Variants in KPNA7 observed in about 807,000 individuals in gnomAD.
The protein encoded by KPNA7 is importin subunit alpha-8.
A neutral mutation model predicts 53.7 loss-of-function variants in KPNA7; 54 were observed. That is an observed-to-expected ratio of 1.01 (90% CI 0.81 to 1.26). The LOEUF (loss-of-function observed/expected upper bound fraction) is 1.26, where lower values mean the gene tolerates loss of function less well. KPNA7 is among the 50% of genes most tolerant of loss of function. The pLI, the probability that KPNA7 is intolerant of heterozygous loss-of-function variation, is 0.00. For synonymous variants in KPNA7, 276 were observed against 259.3 expected (o/e 1.06, Z -0.62); for missense variants, 640 against 644.5 (o/e 0.99, Z 0.07).
chr7:99,213,284 A>AC (rs1030771442), intron 1 of KPNA7, among the ~76,000 whole-genome samples: 5 of 149,444 alleles, frequency 3.3e-5, no homozygotes, highest in African/African-American at 7.4e-5. Context: ...ACACCACCAC[A>AC]CCCCCCAGCT....
chr7:99,184,771 C>A (rs1789488634), intron 8 of KPNA7, among the ~76,000 whole-genome samples, 158 bp downstream of exon 8: 1 of 152,004 alleles, frequency 6.6e-6, no homozygotes. Flanking sequence ...AATGGAACGC[C>A]CCCTTCCTTT....
In KPNA7 at chr7:99,178,003, C is replaced by A; in HGVS notation, c.1381G>T (p.Asp461Tyr). ...CLLIEELGGI[D>Y]RIEALQLHEN... ...TGCAGCTGTAAAGCCTCAATTCTAT[C>A]GATCCCACCAAGTTCTTCTATCAGA... The change falls in exon 10 of 11, where the codon GAT (aspartate) becomes TAT (tyrosine). Residue 461 changes from aspartate to tyrosine, a missense_variant. Asp to Tyr is a radical substitution (Grantham distance 160, BLOSUM62 -3). Coordinates refer to ENST00000327442, the MANE Select transcript of KPNA7 (RefSeq NM_001145715.3). The A allele has an allele frequency of 6.4e-7, 1 of 1,551,798 alleles. No individual in the cohort carries two copies. Among genetic ancestry groups the A allele is most frequent in the Non-Finnish European group, 8.7e-7 (1 of 1,147,024 alleles).
intron 3 of KPNA7, among the ~76,000 whole-genome samples, chr7:99,201,465 C>T (rs1790529594): frequency 6.6e-6 from 1 of 151,878 alleles, no homozygotes; most frequent in Non-Finnish European, 1.5e-5. Flanking sequence ...AGGTTGAGAC[C>T]ATTCGGGCTA....
chr7:99,167,739 C>T, the KPNA7 span, among the ~76,000 whole-genome samples: 2 of 144,424 alleles, frequency 1.4e-5, no homozygotes, highest in Non-Finnish European at 3.0e-5. Flanking sequence ...CCTTGGCCTC[C>T]CAAAGTGCTA....
rs570387941 is a variant in KPNA7 at position 99,197,611 on chromosome 7, A to C, written c.202-1445T>G. 2.0e-5 allele frequency among the ~76,000 whole-genome samples: 3 copies of C among 152,374 alleles called. No individual in the cohort carries two copies. The East Asian group carries it at 5.8e-4, about 29-fold the overall frequency. On this transcript the variant is annotated intron_variant, in intron 3 of 10. Transcript: ENST00000327442. ...ACAATGCTGTCACACTAAATAGAGA[A>C]TATCAGTGAACAGATATCAGTTATT...
At chr7:99,161,259 C>G in the KPNA7 span, among the ~76,000 whole-genome samples, 1 of 58,802 alleles carries the variant, frequency 1.7e-5, no homozygotes, top group Admixed American at 1.8e-4. Context: ...CTCTCTCTCT[C>G]TCTCTCTCTC....
chr7:99,181,937 G>T lies in KPNA7; in HGVS notation c.1263C>A (p.Ala421=), dbSNP rs1789268623. The T allele has an allele frequency of 6.4e-7, 1 of 1,551,350 alleles. No individual in the cohort carries two copies. Among genetic ancestry groups the T allele is most frequent in the Non-Finnish European group, 8.7e-7 (1 of 1,146,720 alleles). The change falls in exon 9 of 11, where the codon GCC becomes GCA. Residue 421 remains alanine (A), a synonymous_variant. Coordinates refer to ENST00000327442, the MANE Select transcript of KPNA7 (RefSeq NM_001145715.3). ...TGATGAGAACAATTTTAACATCTGG[G>T]GCAGTGAGCAGATTCACCAGTGGCT... ...VLEPLVNLLT[A]PDVKIVLIIL... is the part of the protein sequence containing the mutation.
chr7:99,174,032 C>T (rs1193104978), intron 10 of KPNA7, among the ~76,000 whole-genome samples: 1 of 152,156 alleles, frequency 6.6e-6, no homozygotes, highest in Non-Finnish European at 1.5e-5. Context: ...TCCCCAACCC[C>T]GCATCCGTGG....
chr7:99,173,482 C>T (rs1182367295), downstream of KPNA7: 1 of 384,136 alleles, frequency 2.6e-6, no homozygotes, highest in Non-Finnish European at 4.7e-6. Flanking sequence ...TGTGAGCCAC[C>T]ACACCCAGCC....
At chr7:99,206,117 T>G (rs905600968) in intron 2 of KPNA7, among the ~76,000 whole-genome samples, 1 of 152,218 alleles carries the variant, frequency 6.6e-6, no homozygotes, top group African/African-American at 2.4e-5. Flanking sequence ...ACCTGTATAC[T>G]GGCCCTTGAG....
chr7:99,166,404 C>T, the KPNA7 span, among the ~76,000 whole-genome samples: 2 of 152,060 alleles, frequency 1.3e-5, no homozygotes, highest in African/African-American at 2.4e-5. Flanking sequence ...CAACCCTGCC[C>T]CCCACGTTCA....
the KPNA7 span, among the ~76,000 whole-genome samples, chr7:99,155,013 T>G: frequency 3.9e-5 from 6 of 152,120 alleles, no homozygotes; most frequent in Admixed American, 3.9e-4. Context: ...ACATATATAC[T>G]TTTTATAAAA....
intron 3 of KPNA7, among the ~76,000 whole-genome samples, chr7:99,200,342 C>A (rs1584306521): frequency 6.6e-6 from 1 of 152,284 alleles, no homozygotes; most frequent in South Asian, 2.1e-4. Context: ...CCGGCATCTG[C>A]TTTTGTCATC....
chr7:99,154,380 T>C, the KPNA7 span, among the ~76,000 whole-genome samples: 1 of 152,036 alleles, frequency 6.6e-6, no homozygotes. Flanking sequence ...CCGCCCACCT[T>C]GGCCTCCCAA....
At chr7:99,196,825 A>G (rs1297665101) in intron 3 of KPNA7, among the ~76,000 whole-genome samples, 1 of 152,196 alleles carries the variant, frequency 6.6e-6, no homozygotes, top group Non-Finnish European at 1.5e-5. Context: ...TCCCTGAAAG[A>G]TCCCACTTAC....
At chr7:99,206,196 CT>C (rs1732912326) in intron 2 of KPNA7, among the ~76,000 whole-genome samples, 1 of 152,150 alleles carries the variant, frequency 6.6e-6, no homozygotes, top group South Asian at 2.1e-4. Flanking sequence ...AAGTCTCACA[CT>C]GTCGCCTGGA....
intron 1 of KPNA7, among the ~76,000 whole-genome samples, chr7:99,218,094 G>A (rs1791258739): frequency 6.6e-6 from 1 of 152,096 alleles, no homozygotes; most frequent in Non-Finnish European, 1.5e-5. Flanking sequence ...CAAACTCCCT[G>A]GCTCAGGCAA....
intron 10 of KPNA7, among the ~76,000 whole-genome samples, chr7:99,176,386 A>G (rs1798909524): frequency 6.6e-6 from 1 of 152,080 alleles, no homozygotes; most frequent in South Asian, 2.1e-4. Flanking sequence ...ACCACTTTAT[A>G]CCCATGAGAT....
At chr7:99,168,099 T>C in the KPNA7 span, among the ~76,000 whole-genome samples, 3 of 151,968 alleles carry the variant, frequency 2.0e-5, no homozygotes, top group South Asian at 6.2e-4. Context: ...CTTGGCATGT[T>C]TTCTTATCCT....
Sources: allele counts gnomAD v4.1 joint callset (sites outside exome capture counted in the v4.1 genomes callset), GRCh38; gene constraint gnomAD v4.1.1; transcripts MANE v1.5; gene names NCBI Gene and HGNC (gene_info 2026-07-23, HGNC 2026-07-21).